The following SGMS2 variants were observed in gnomAD, a reference collection of about 807,000 sequenced individuals.
The protein encoded by SGMS2 is phosphatidylcholine:ceramide cholinephosphotransferase 2.
SGMS2 carries 21 observed loss-of-function variants against 43.8 expected under a neutral mutation model. That is an observed-to-expected ratio of 0.48 (90% CI 0.34 to 0.69). SGMS2 has a LOEUF of 0.69. Ranked by LOEUF, SGMS2 falls within the 30% of genes least tolerant of loss-of-function variation. The pLI, the probability that SGMS2 is intolerant of heterozygous loss-of-function variation, is 0.01. For synonymous variants in SGMS2, 167 were observed against 160.6 expected (o/e 1.04, Z -0.30); for missense variants, 384 against 443.2 (o/e 0.87, Z 1.20).
intron 1 of SGMS2, among the ~76,000 whole-genome samples, chr4:107,831,252 T>G (rs1725874291): frequency 6.6e-6 from 1 of 152,168 alleles, no homozygotes; most frequent in Non-Finnish European, 1.5e-5. Flanking sequence ...GAGACATAGT[T>G]TGATATAGGA....
chr4:107,883,807 A>C (rs1033144613), intron 2 of SGMS2, among the ~76,000 whole-genome samples: 1 of 152,220 alleles, frequency 6.6e-6, no homozygotes. Context: ...TAACTGAATA[A>C]AAATGCCATT....
chr4:107,911,565 G>A lies in SGMS2; in HGVS notation c.*1012G>A, dbSNP rs1326497519. The A allele has an allele frequency of 6.6e-6, 1 of 152,124 alleles. No individual in the cohort carries two copies. The highest frequency in any genetic ancestry group is 1.5e-5 in the Non-Finnish European group (1 of 68,012). 9.4% of individuals were successfully genotyped at this position (152,124 alleles called of 1,614,324 possible). ...AAGGTGATTTCTTCCTTTTTCTGTT[G>A]TACTTTATGGAAAAACCAAGATGGA... On this transcript the variant is annotated 3_prime_UTR_variant, in exon 7 of 7. Transcript: ENST00000690982.
At chr4:107,875,901 G>A (rs1728882178) in intron 2 of SGMS2, among the ~76,000 whole-genome samples, 1 of 152,050 alleles carries the variant, frequency 6.6e-6, no homozygotes, top group Non-Finnish European at 1.5e-5. Context: ...GAATCCAGGT[G>A]GACTGAAGCA....
chr4:107,895,704 A>G lies in SGMS2; in HGVS notation c.151A>G (p.Lys51Glu). Residue 51 changes from lysine to glutamate, a missense_variant, in exon 3 of 7, where the codon AAA becomes GAA. By Grantham distance (56) the Lys-to-Glu change is moderately conservative. Transcript: ENST00000690982. The stretch of plus-strand genomic sequence containing the variant: ...CAAGAGCTTATCCAGTGGGCTGCGA[A>G]AAGGCACCAAAAAGTACCCGGACTA... ...KPKSLSSGLR[K>E]GTKKYPDYIQ... 1.2e-6 allele frequency: 2 copies of G among 1,613,996 alleles called. No individual in the cohort carries two copies. The highest frequency in any genetic ancestry group is 3.3e-5 in the Admixed American group (2 of 59,966).
intron 2 of SGMS2, among the ~76,000 whole-genome samples, chr4:107,868,859 A>T (rs775455918): frequency 7.9e-5 from 12 of 152,088 alleles, no homozygotes; most frequent in Non-Finnish European, 1.6e-4. Context: ...GCACCCCTGG[A>T]TATTTTTCAC....
rs145850113 is a variant in SGMS2 at position 107,857,630 on chromosome 4, A to G, written c.-326-842A>G. ...CTTTGGATATTCATATTGTGGTTCTATGAACTGCAGACCTCTGGCCAGTAG... is the reference window on the plus strand; with the variant it reads ...CTTTGGATATTCATATTGTGGTTCTGTGAACTGCAGACCTCTGGCCAGTAG... On this transcript the variant is annotated intron_variant, in intron 1 of 6. Transcript: ENST00000690982. Among the ~76,000 whole-genome samples, 1,371 of 152,008 alleles carry G rather than the reference A, an allele frequency of 9.0e-3. 77 individuals are homozygous for G. Among genetic ancestry groups the G allele is most frequent in the Admixed American group, 0.082 (1,255 of 15,240 alleles).
chr4:107,834,881 C>T (rs1468917132), intron 1 of SGMS2, among the ~76,000 whole-genome samples: 1 of 152,006 alleles, frequency 6.6e-6, no homozygotes, highest in African/African-American at 2.4e-5. Flanking sequence ...CTATCCCGTG[C>T]AAAATTAGCC....
chr4:107,903,442 G>A, intron 5 of SGMS2, 56 bp downstream of exon 5: 3 of 1,559,420 alleles, frequency 1.9e-6, no homozygotes, highest in Non-Finnish European at 2.6e-6. Context: ...GGATCCCTGG[G>A]CCCTGAAATT....
intron 2 of SGMS2, among the ~76,000 whole-genome samples, chr4:107,892,238 A>C (rs1730289376): frequency 3.3e-5 from 5 of 149,452 alleles, no homozygotes; most frequent in South Asian, 2.1e-4. Context: ...AAACTCCAAA[A>C]AAAAAAAAAA....
intron 2 of SGMS2, chr4:107,863,666 C>G (rs1727906496): frequency 6.6e-6 from 1 of 152,116 alleles, no homozygotes; most frequent in African/African-American, 2.4e-5. Context: ...TTTAGGGCTT[C>G]CAGTGGATAT....
chr4:107,885,680 C>T (rs1239537288), intron 2 of SGMS2, among the ~76,000 whole-genome samples: 1 of 152,032 alleles, frequency 6.6e-6, no homozygotes, highest in African/African-American at 2.4e-5. Flanking sequence ...ACAAAACAGG[C>T]AGGTAATGAC....
intron 2 of SGMS2, among the ~76,000 whole-genome samples, chr4:107,865,221 T>G (rs1012626502): frequency 6.6e-6 from 1 of 152,200 alleles, no homozygotes. Flanking sequence ...GCTATCTGGC[T>G]TAGGAGTGTA....
chr4:107,872,493 A>C (rs893977810), intron 2 of SGMS2, among the ~76,000 whole-genome samples: 1 of 152,198 alleles, frequency 6.6e-6, no homozygotes, highest in Non-Finnish European at 1.5e-5. Context: ...GTTGGCACTC[A>C]CTAAATATTA....
chr4:107,841,145 G>T (rs1482699537), intron 1 of SGMS2, among the ~76,000 whole-genome samples: 2 of 152,168 alleles, frequency 1.3e-5, no homozygotes, highest in Non-Finnish European at 2.9e-5. Flanking sequence ...CCCCTTTTAG[G>T]AAGGAATATT....
intron 1 of SGMS2, among the ~76,000 whole-genome samples, chr4:107,851,131 T>G (rs1727118484): frequency 6.6e-6 from 1 of 152,224 alleles, no homozygotes; most frequent in South Asian, 2.1e-4. Context: ...TATGTAAATA[T>G]GCTAATATGC....
At chr4:107,825,454 T>C (rs1003786204) in intron 1 of SGMS2, among the ~76,000 whole-genome samples, 2 of 148,438 alleles carry the variant, frequency 1.3e-5, no homozygotes, top group Non-Finnish European at 3.0e-5. Context: ...TGAGCAGTCA[T>C]CTCATTCATT....
chr4:107,862,963 C>T (rs942259191), intron 2 of SGMS2, among the ~76,000 whole-genome samples: 3 of 152,296 alleles, frequency 2.0e-5, no homozygotes, highest in East Asian at 1.9e-4. Flanking sequence ...GTCAAGTGAC[C>T]TAGAGCTTCT....
intron 1 of SGMS2, among the ~76,000 whole-genome samples, chr4:107,828,196 T>C (rs1725701982): frequency 1.3e-5 from 2 of 152,140 alleles, no homozygotes; most frequent in Non-Finnish European, 2.9e-5. Context: ...CATTTCTATC[T>C]GCCCCCTCTT....
rs1732075297 is a variant in SGMS2, at chr4:107,910,940, T to C, written c.*387T>C. ...ATGTGTTAATATTTTAAATAAAATA[T>C]CTGGACATCTACAGCCACTGTGTAA... On this transcript the variant is annotated 3_prime_UTR_variant, in exon 7 of 7. Transcript: ENST00000690982. 1 of 176,080 alleles carries C rather than the reference T, an allele frequency of 5.7e-6. No individual in the cohort carries two copies. Among genetic ancestry groups the C allele is most frequent in the South Asian group, 1.3e-4 (1 of 7,722 alleles). The allele number at this position is 176,080 out of a possible 1,614,324, so 10.9% of individuals were successfully genotyped here.
Sources: gnomAD v4.1 joint callset for allele counts (sites outside exome capture counted in the v4.1 genomes callset) on GRCh38, gnomAD v4.1.1 for gene constraint, MANE v1.5 for transcripts, NCBI Gene and HGNC (gene_info 2026-07-23, HGNC 2026-07-21) for gene names.